Variants in ZNF563 observed in about 807,000 individuals in gnomAD.
ZNF563 encodes the protein zinc finger protein 563.
ZNF563 carries 39 observed loss-of-function variants against 48.5 expected under a neutral mutation model. The ratio of observed to expected loss-of-function variants is 0.80; its 90% CI spans 0.62 to 1.05. The LOEUF (loss-of-function observed/expected upper bound fraction) is 1.05, where lower values mean the gene tolerates loss of function less well. ZNF563 is among the 50% of genes least tolerant of loss of function. The probability of loss-of-function intolerance (pLI) is 0.00; values close to 1 mark genes in which losing one functional copy is unlikely to be tolerated. For synonymous variants in ZNF563, 168 were observed against 187.9 expected, an observed-to-expected ratio of 0.89 and a Z score of 0.87; for missense variants, 538 against 597.0, an observed-to-expected ratio of 0.90 and a Z score of 1.03.
intron 3 of ZNF563, among the ~76,000 whole-genome samples, chr19:12,320,805 G>A (rs1450490457): frequency 6.6e-6 from 1 of 151,994 alleles, no homozygotes; most frequent in African/African-American, 2.4e-5. Flanking sequence ...AGCCTCATAT[G>A]TAAATTCTTA....
chr19:12,335,455 T>C (rs1447478733), upstream of ZNF563, among the ~76,000 whole-genome samples: 4 of 152,230 alleles, frequency 2.6e-5, no homozygotes, highest in African/African-American at 4.8e-5. Context: ...GCCCTGGGGC[T>C]TCCCTGGGCC....
At chr19:12,337,988 G>A (rs935940319), upstream of ZNF563, among the ~76,000 whole-genome samples, 1 of 152,152 alleles carries the variant, frequency 6.6e-6, no homozygotes, top group African/African-American at 2.4e-5. Context: ...TGTAGTCCTA[G>A]CTATTCAGGA....
intron 1 of ZNF563, among the ~76,000 whole-genome samples, chr19:12,324,548 T>C (rs1390959391): frequency 1.3e-5 from 2 of 151,786 alleles, no homozygotes; most frequent in Admixed American, 6.6e-5. Flanking sequence ...AGAAAACCTG[T>C]CTTTACTAAA....
intron 1 of ZNF563, among the ~76,000 whole-genome samples, chr19:12,331,168 T>C (rs1968907895): frequency 6.6e-6 from 1 of 152,232 alleles, no homozygotes; most frequent in Non-Finnish European, 1.5e-5. Context: ...TCTCTAATGA[T>C]AGAATGCATT....
chr19:12,343,728 T>C, the ZNF563 span, among the ~76,000 whole-genome samples: 28,336 of 135,378 alleles, frequency 0.21, 3,364 homozygotes, highest in Non-Finnish European at 0.29. Flanking sequence ...ATAAATTCTT[T>C]TTTTTTTTTT....
At chr19:12,332,330 T>A (rs371153951) in intron 1 of ZNF563, among the ~76,000 whole-genome samples, 2 of 151,592 alleles carry the variant, frequency 1.3e-5, no homozygotes, top group South Asian at 2.1e-4. Flanking sequence ...GGTCTAACTT[T>A]GTTTTTTTTC....
chr19:12,340,865 A>C, the ZNF563 span, among the ~76,000 whole-genome samples: 1 of 152,134 alleles, frequency 6.6e-6, no homozygotes, highest in Non-Finnish European at 1.5e-5. Context: ...CACATGAAAA[A>C]ACTGAGGTAG....
upstream of ZNF563, among the ~76,000 whole-genome samples, chr19:12,335,186 A>G (rs987812379): frequency 6.6e-6 from 1 of 152,182 alleles, no homozygotes; most frequent in African/African-American, 2.4e-5. Context: ...CTCAGAAGCA[A>G]AAGTTTTTTC....
intron 1 of ZNF563, among the ~76,000 whole-genome samples, chr19:12,326,842 T>A (rs1968808005): frequency 6.6e-6 from 1 of 152,138 alleles, no homozygotes; most frequent in African/African-American, 2.4e-5. Flanking sequence ...ACATAAAAAA[T>A]GATTTACTTT....
Position 12,318,976 on chromosome 19 carries a change from C to T in ZNF563, c.1049G>A (p.Ser350Asn). The T allele has an allele frequency of 6.2e-7, 1 of 1,614,180 alleles. No homozygotes were observed. The highest frequency in any genetic ancestry group is 1.1e-5 in the South Asian group (1 of 91,084). The change falls in exon 4 of 4, where the codon AGT (serine) becomes AAT (asparagine). Residue 350 changes from serine (S) to asparagine (N), a missense_variant. Coordinates refer to ENST00000293725, the MANE Select transcript of ZNF563 (RefSeq NM_145276.3). ...KICGKGFDRP[S>N]LVRYHERIHT... Reference sequence around the variant, plus strand: ...AATTCGTTCATGATATCGAACTAAACTGGGACGATCAAAGCCTTTCCCACA... The same window carrying T: ...AATTCGTTCATGATATCGAACTAAATTGGGACGATCAAAGCCTTTCCCACA...
the ZNF563 span, chr19:12,346,136 T>C: frequency 6.6e-6 from 1 of 152,078 alleles, no homozygotes; most frequent in Non-Finnish European, 1.5e-5. Flanking sequence ...ATACCCACAG[T>C]GTATAAAGAA....
In ZNF563 at chr19:12,332,571, G is replaced by C. The variant is rs145244576; in HGVS notation, c.3+909C>G. Among the ~76,000 whole-genome samples the C allele has an allele frequency of 2.1e-3, 324 of 152,126 alleles. 3 individuals are homozygous for C. Among genetic ancestry groups the C allele is most frequent in the African/African-American group, 7.3e-3 (303 of 41,504 alleles). ...TCGCCATCTTGGCCAGGCTGGTCTG[G>C]AACTCCTGTACATGTCTAACTTTCT... On this transcript the variant is annotated intron_variant, in intron 1 of 3. Coordinates refer to ENST00000293725, the MANE Select transcript of ZNF563 (RefSeq NM_145276.3).
the ZNF563 span, among the ~76,000 whole-genome samples, chr19:12,343,098 G>A: frequency 6.6e-6 from 1 of 152,132 alleles, no homozygotes; most frequent in East Asian, 1.9e-4. Flanking sequence ...TTGAGAGGCT[G>A]AGGCAGGAGA....
At chr19:12,325,149 A>C (rs981365320) in intron 1 of ZNF563, among the ~76,000 whole-genome samples, 2 of 152,196 alleles carry the variant, frequency 1.3e-5, no homozygotes, top group African/African-American at 4.8e-5. Context: ...AAAATACACA[A>C]ATAGCCTGCA....
At chr19:12,324,370 TA>T (rs1348874415) in intron 1 of ZNF563, among the ~76,000 whole-genome samples, 1 of 151,600 alleles carries the variant, frequency 6.6e-6, no homozygotes, top group East Asian at 1.9e-4. Flanking sequence ...AAAAAATAAA[TA>T]AAATTACATT....
In ZNF563 at chr19:12,319,215, T is replaced by TC. The variant is rs1273143100; in HGVS notation, c.809dup (p.His271ThrfsTer2). The TC allele has an allele frequency of 8.7e-6, 14 of 1,613,942 alleles. No individual in the cohort carries two copies. The highest frequency in any genetic ancestry group is 1.2e-5 in the Non-Finnish European group (14 of 1,179,964). Reference sequence around the variant, plus strand: ...TCTCTCCAGTGTGAGTTCTTTCATGTCTTATATAGGAACTGGAATCAGGCA... The same window carrying TC: ...TCTCTCCAGTGTGAGTTCTTTCATGTCCTTATATAGGAACTGGAATCAGGCA... On this transcript the variant is annotated frameshift_variant, in exon 4 of 4. Coordinates refer to ENST00000293725, the MANE Select transcript of ZNF563 (RefSeq NM_145276.3). LOFTEE classifies it high-confidence loss of function.
At position 12,333,505 on chromosome 19, in the gene ZNF563, A is replaced by G; in HGVS notation, c.-23T>C. On this transcript the variant is annotated 5_prime_UTR_variant, in exon 1 of 4. Transcript: ENST00000293725. Reference sequence around the variant, plus strand: ...CATTTCCCGGCTTCCGGGATGTTCCAGGGTCCTCCCTCTGCCTCCCGCTGC... The same window carrying G: ...CATTTCCCGGCTTCCGGGATGTTCCGGGGTCCTCCCTCTGCCTCCCGCTGC... 1 of 1,613,480 alleles carries G rather than the reference A, an allele frequency of 6.2e-7. No homozygotes were observed. Among genetic ancestry groups the G allele is most frequent in the Non-Finnish European group, 8.5e-7 (1 of 1,179,764 alleles).
intron 1 of ZNF563, among the ~76,000 whole-genome samples, chr19:12,326,995 A>G (rs147701911): frequency 2.0e-3 from 303 of 152,362 alleles, no homozygotes; most frequent in African/African-American, 6.9e-3. Flanking sequence ...ACAGTTTATT[A>G]TACCAGCACT....
At chr19:12,321,626 T>C (rs1381038741) in intron 2 of ZNF563, among the ~76,000 whole-genome samples, 3 of 152,108 alleles carry the variant, frequency 2.0e-5, no homozygotes, top group African/African-American at 7.2e-5. Flanking sequence ...TGTATTTTTA[T>C]TGGAGACGGG....
Sources: allele counts gnomAD v4.1 joint callset (sites outside exome capture counted in the v4.1 genomes callset), GRCh38; gene constraint gnomAD v4.1.1; transcripts MANE v1.5; gene names NCBI Gene and HGNC (gene_info 2026-07-23, HGNC 2026-07-21).